Variants in UGT8 observed in about 807,000 individuals in gnomAD.
UGT8 encodes UDP glycosyltransferase 8.
Under a neutral mutation model 40.5 loss-of-function variants are expected in UGT8, and 12 were observed. The observed-to-expected ratio is 0.30, with a 90% CI of 0.19 to 0.48. The LOEUF (loss-of-function observed/expected upper bound fraction) is 0.48. Among genes scored for constraint, UGT8 ranks in the 20% least tolerant of loss-of-function variants. The probability of loss-of-function intolerance (pLI) is 0.99; values close to 1 mark genes in which losing one functional copy is unlikely to be tolerated. For missense variants in UGT8, 513 were observed against 648.7 expected, an observed-to-expected ratio of 0.79 and a Z score of 2.27; for synonymous variants, 224 against 240.4, an observed-to-expected ratio of 0.93 and a Z score of 0.63.
chr4:114,659,727 T>C lies in UGT8; in HGVS notation c.823-4268T>C, dbSNP rs148213220. Among the ~76,000 whole-genome samples, 495 of 152,338 alleles carry C rather than the reference T, an allele frequency of 3.2e-3. 1 individual carries two copies. Among genetic ancestry groups the C allele is most frequent in the Non-Finnish European group, 5.3e-3 (360 of 68,028 alleles). On this transcript the variant is annotated intron_variant, in intron 2 of 5. Coordinates refer to ENST00000310836, the MANE Select transcript of UGT8 (RefSeq NM_001128174.3). ...TAACTTACTTAAGAAGTAGTAGTAC[T>C]GGTAGTAAATGGCCATTGATGAGTT... is the stretch of plus-strand genomic sequence containing the variant.
intron 1 of UGT8, among the ~76,000 whole-genome samples, chr4:114,614,232 ACTGT>A (rs779556677): frequency 6.6e-6 from 1 of 152,114 alleles, no homozygotes; most frequent in Non-Finnish European, 1.5e-5. Flanking sequence ...AGCAACAACA[ACTGT>A]CTTTATAACC....
chr4:114,632,576 A>G (rs1368127132), intron 2 of UGT8, among the ~76,000 whole-genome samples: 3 of 152,338 alleles, frequency 2.0e-5, no homozygotes, highest in East Asian at 1.9e-4. Flanking sequence ...ATGAATGTCT[A>G]TTGAATCATT....
intron 1 of UGT8, among the ~76,000 whole-genome samples, chr4:114,621,779 T>C (rs1731807660): frequency 6.6e-6 from 1 of 152,196 alleles, no homozygotes; most frequent in Non-Finnish European, 1.5e-5. Flanking sequence ...GATTCAATTT[T>C]CTTCCCAAAC....
chr4:114,622,981 A>T lies in UGT8; in HGVS notation c.101A>T (p.His34Leu). ...IIVPPIMFES[H>L]MYIFKTLASA... ...GTGCCGCCAATTATGTTTGAAAGCCATATGTACATTTTCAAGACGCTAGCC... is the reference window on the plus strand; with the variant it reads ...GTGCCGCCAATTATGTTTGAAAGCCTTATGTACATTTTCAAGACGCTAGCC... The change falls in exon 2 of 6, where the codon CAT (histidine) becomes CTT (leucine). Residue 34 changes from histidine to leucine, a missense_variant. His to Leu is a moderately conservative substitution (Grantham distance 99). Around this residue, in one of 3 missense-constraint regions of UGT8, gnomAD observed 335 missense variants for 444.8 expected, o/e 0.75. Coordinates refer to ENST00000310836, the MANE Select transcript of UGT8 (RefSeq NM_001128174.3). The T allele has an allele frequency of 6.2e-7, 1 of 1,614,074 alleles. No homozygotes were observed. The highest frequency in any genetic ancestry group is 8.5e-7 in the Non-Finnish European group (1 of 1,180,016).
At chr4:114,610,723 T>C (rs1389785365) in intron 1 of UGT8, among the ~76,000 whole-genome samples, 1 of 152,204 alleles carries the variant, frequency 6.6e-6, no homozygotes, top group Non-Finnish European at 1.5e-5. Context: ...TGTGAAGACC[T>C]TCAAGGAATT....
chr4:114,656,003 G>T (rs1190114772), intron 2 of UGT8, among the ~76,000 whole-genome samples: 2 of 152,026 alleles, frequency 1.3e-5, no homozygotes, highest in Non-Finnish European at 2.9e-5. Context: ...CCTCATAATT[G>T]GATTCAGGTT....
intron 2 of UGT8, among the ~76,000 whole-genome samples, chr4:114,624,335 T>C (rs1732051510): frequency 6.6e-6 from 1 of 152,244 alleles, no homozygotes. Context: ...TAAATTCTTT[T>C]TATTGATTGA....
chr4:114,630,386 T>A (rs1474494328), intron 2 of UGT8, among the ~76,000 whole-genome samples: 2 of 152,218 alleles, frequency 1.3e-5, no homozygotes, highest in Admixed American at 6.5e-5. Flanking sequence ...GGACTTTTGG[T>A]ATATGAGAGC....
At chr4:114,664,211 A>C in intron 3 of UGT8, 74 bp downstream of exon 3, 1 of 1,504,032 alleles carries the variant, frequency 6.6e-7, no homozygotes, top group Non-Finnish European at 9.1e-7. Flanking sequence ...AGGTCCCAGT[A>C]AAGCACAGCA....
intron 2 of UGT8, among the ~76,000 whole-genome samples, chr4:114,660,224 T>C (rs6839670): frequency 0.95 from 144,313 of 152,218 alleles, 68,933 homozygotes; most frequent in East Asian, 1. Flanking sequence ...AAAACAGTTA[T>C]AAGAAAATTA....
chr4:114,676,410 TCTA>T lies in UGT8; in HGVS notation c.*126_*128del, dbSNP rs2126143105. On this transcript the variant is annotated 3_prime_UTR_variant, in exon 6 of 6. Transcript: ENST00000310836. ...ACAATTCTAACATGCCCTTATGAGA[TCTA>T]CTAATGAAATTCTGTGGAATTAAGA... is the stretch of plus-strand genomic sequence containing the variant. 1 of 800,546 alleles carries T rather than the reference TCTA, an allele frequency of 1.2e-6. No individual in the cohort carries two copies. Among genetic ancestry groups the T allele is most frequent in the East Asian group, 2.6e-5 (1 of 38,588 alleles). The allele number at this position is 800,546 out of a possible 1,614,324, so 49.6% of individuals were successfully genotyped here. A position where few individuals can be genotyped will look rare whatever the true frequency, so the allele number is the denominator to read the frequency against.
rs199532800 is a variant in UGT8 at position 114,664,172 on chromosome 4, G to C, written c.965+35G>C. On this transcript the variant is annotated intron_variant, in intron 3 of 5. Transcript: ENST00000310836. ...TAATGTAGATTGTTTCTTTGCTATT[G>C]ACAATCAATATCTCCTTGTTTAGTG... is the stretch of plus-strand genomic sequence containing the variant. The C allele has an allele frequency of 1.6e-4, 260 of 1,607,022 alleles. 1 individual carries two copies. The highest frequency in any genetic ancestry group is 3.6e-5 in the Non-Finnish European group (42 of 1,177,394).
chr4:114,630,481 A>G (rs1272972740), intron 2 of UGT8, among the ~76,000 whole-genome samples: 1 of 152,202 alleles, frequency 6.6e-6, no homozygotes, highest in East Asian at 1.9e-4. Flanking sequence ...GTGAGCCAAG[A>G]GTATGGAATC....
chr4:114,635,875 A>T (rs1217160199), intron 2 of UGT8, among the ~76,000 whole-genome samples: 1 of 152,190 alleles, frequency 6.6e-6, no homozygotes, highest in Admixed American at 6.5e-5. Context: ...TTTTAGAAGC[A>T]TTAGATGTTA....
intron 1 of UGT8, among the ~76,000 whole-genome samples, chr4:114,599,520 C>T (rs1730307931): frequency 6.6e-6 from 1 of 152,200 alleles, no homozygotes; most frequent in Admixed American, 6.5e-5. Flanking sequence ...TGTCTTGGGG[C>T]TGTACAAGCT....
At chr4:114,643,620 G>A (rs771741445) in intron 2 of UGT8, among the ~76,000 whole-genome samples, 1 of 152,062 alleles carries the variant, frequency 6.6e-6, no homozygotes, top group Non-Finnish European at 1.5e-5. Context: ...TATGTATTTG[G>A]CATTATGCAC....
intron 2 of UGT8, among the ~76,000 whole-genome samples, chr4:114,649,150 G>A (rs1733753466): frequency 6.6e-6 from 1 of 152,140 alleles, no homozygotes; most frequent in African/African-American, 2.4e-5. Context: ...ACTAGAGGTT[G>A]CCAATGTAGT....
intron 1 of UGT8, among the ~76,000 whole-genome samples, chr4:114,615,458 C>A (rs995561313): frequency 1.3e-5 from 2 of 152,078 alleles, no homozygotes; most frequent in Non-Finnish European, 2.9e-5. Flanking sequence ...AAACTTCCCC[C>A]CTCCCCACCC....
chr4:114,667,933 G>T (rs1045057299), intron 4 of UGT8, 152 bp from the exon 5 acceptor site: 3 of 1,418,754 alleles, frequency 2.1e-6, no homozygotes, highest in Non-Finnish European at 2.8e-6. Context: ...ATTTTAATTG[G>T]TGTAGAGCAG....
Sources: gnomAD v4.1 joint callset for allele counts (sites outside exome capture counted in the v4.1 genomes callset) on GRCh38, gnomAD v4.1.1 for gene constraint, gnomAD v4.1.1 regional missense constraint, MANE v1.5 for transcripts, NCBI Gene and HGNC (gene_info 2026-07-23, HGNC 2026-07-21) for gene names.